DYNC1H1: variants seen among roughly 807,000 people sequenced by gnomAD.
DYNC1H1 encodes the protein dynein cytoplasmic 1 heavy chain 1, also known as cytoplasmic dynein 1 heavy chain 1.
A neutral mutation model predicts 527.1 loss-of-function variants in DYNC1H1; 51 were observed. The observed-to-expected ratio is 0.10, with a 90% CI of 0.08 to 0.12. The LOEUF (loss-of-function observed/expected upper bound fraction) is 0.12, where lower values mean the gene tolerates loss of function less well. Among genes scored for constraint, DYNC1H1 ranks in the 10% least tolerant of loss-of-function variants. DYNC1H1 has a pLI of 1.00. For synonymous variants in DYNC1H1, 2,189 were observed against 2,278.8 expected (o/e 0.96, Z 1.12); for missense variants, 2,771 against 5,971.8 (o/e 0.46, Z 17.66).
chr14:102,020,896 C>T lies in DYNC1H1; in HGVS notation c.8507+840C>T, dbSNP rs1345891820. Among the ~76,000 whole-genome samples, 3 of 152,136 alleles carry T rather than the reference C, an allele frequency of 2.0e-5. No individual in the cohort carries two copies. Among genetic ancestry groups the T allele is most frequent in the East Asian group, 3.8e-4 (2 of 5,198 alleles). ...AATCACTGGGTTTCCAACCCGAGTC[C>T]TTGGCATTCTTGGGCAACACCGGGT... is the stretch of plus-strand genomic sequence containing the variant. On this transcript the variant is annotated intron_variant, in intron 42 of 77. Coordinates refer to ENST00000360184, the MANE Select transcript of DYNC1H1 (RefSeq NM_001376.5). The surrounding 1 kb of genome is among the most constrained non-coding windows in gnomAD (Gnocchi z 4.3).
chr14:102,014,862 C>T (rs985326365), intron 34 of DYNC1H1, among the ~76,000 whole-genome samples: 3 of 152,078 alleles, frequency 2.0e-5, no homozygotes, highest in African/African-American at 7.2e-5. Flanking sequence ...GTAACCCAGG[C>T]TAGAGTGCAG....
chr14:101,994,628 A>G (rs1054303697), intron 12 of DYNC1H1, 45 bp from the exon 13 acceptor site: 3 of 1,610,716 alleles, frequency 1.9e-6, no homozygotes, highest in Non-Finnish European at 2.5e-6. Context: ...GTATTCTACA[A>G]AATGAAAACT....
intron 29 of DYNC1H1, among the ~76,000 whole-genome samples, chr14:102,009,121 C>T (rs537125174): frequency 6.6e-6 from 1 of 152,250 alleles, no homozygotes; most frequent in Admixed American, 6.5e-5. Flanking sequence ...TCGGAGAGGC[C>T]CCAGGGACCA....
At position 102,004,779 on chromosome 14, in the gene DYNC1H1, T is replaced by A. The variant is rs1195286511; in HGVS notation, c.5067T>A (p.Pro1689=). The A allele has an allele frequency of 6.2e-7, 1 of 1,614,222 alleles. No individual in the cohort carries two copies. The highest frequency in any genetic ancestry group is 8.5e-7 in the Non-Finnish European group (1 of 1,180,040). ...REGEEVMFKT[P]VSITEHPKIN... is the part of the protein sequence containing the mutation. The stretch of plus-strand genomic sequence containing the variant: ...TATTTCAGGTTATGTTTAAAACTCC[T>A]GTGTCAATTACTGAACATCCCAAAA... Residue 1689 remains proline (P), a synonymous_variant, in exon 25 of 78, where the codon CCT becomes CCA. Transcript: ENST00000360184.
intron 16 of DYNC1H1, among the ~76,000 whole-genome samples, chr14:101,999,652 G>A (rs560151359): frequency 3.3e-5 from 5 of 152,190 alleles, no homozygotes; most frequent in South Asian, 2.1e-4. Flanking sequence ...GGCAGGCCCC[G>A]GAGGTTTGTC....
intron 13 of DYNC1H1, 39 bp from the exon 14 acceptor site, chr14:101,994,947 A>G (rs1166360245): frequency 1.2e-6 from 2 of 1,613,344 alleles, no homozygotes; most frequent in Middle Eastern, 1.6e-4. Flanking sequence ...CGCCAGCAGG[A>G]AAGAGCTGAT....
At chr14:102,047,775 C>A in intron 72 of DYNC1H1, 42 bp from the exon 73 acceptor site, 1 of 1,610,302 alleles carries the variant, frequency 6.2e-7, no homozygotes, top group Non-Finnish European at 8.5e-7. Flanking sequence ...TCTTGCCCGT[C>A]CCCTCCCTCC....
intron 18 of DYNC1H1, 166 bp from the exon 19 acceptor site, chr14:102,000,788 G>A: frequency 1.5e-6 from 1 of 662,406 alleles, no homozygotes; most frequent in South Asian, 1.6e-5. Context: ...TGGTCAGGCT[G>A]GTCTCGAACT....
chr14:102,019,593 A>G (rs544293519), intron 41 of DYNC1H1, among the ~76,000 whole-genome samples: 91 of 152,360 alleles, frequency 6.0e-4, no homozygotes, highest in African/African-American at 1.9e-3. Context: ...TATTTATCCA[A>G]TTGTTCCAAC....
In DYNC1H1 at chr14:101,984,140, TTG is replaced by T. The variant is rs142762932; in HGVS notation, c.1461+545_1461+546del. On this transcript the variant is annotated intron_variant, in intron 7 of 77. Coordinates refer to ENST00000360184, the MANE Select transcript of DYNC1H1 (RefSeq NM_001376.5). ...ACCCCACCATGCCCAGCTAATTTAT[TTG>T]TGTGTGTGTGTGTTGGCGGGAGGGG... Among the ~76,000 whole-genome samples the T allele has an allele frequency of 5.5e-3, 831 of 151,100 alleles. 17 individuals are homozygous for T. Among genetic ancestry groups the T allele is most frequent in the East Asian group, 0.036 (186 of 5,120 alleles).
Position 102,049,635 on chromosome 14 carries a change from G to C in DYNC1H1, c.13515+53G>C. 6.2e-7 allele frequency: 1 copy of C among 1,613,286 alleles called. No homozygotes were observed. The stretch of plus-strand genomic sequence containing the variant: ...TGGTCAGCAGCTGTCCTGGGCTGGG[G>C]TGGGAGTGGCTCTGGGGAAAAACAC... On this transcript the variant is annotated intron_variant, in intron 75 of 77. Transcript: ENST00000360184. The surrounding 1 kb of genome is among the most constrained non-coding windows in gnomAD (Gnocchi z 5.5).
intron 1 of DYNC1H1, among the ~76,000 whole-genome samples, chr14:101,970,067 C>G (rs2047714146): frequency 6.6e-6 from 1 of 152,200 alleles, no homozygotes; most frequent in South Asian, 2.1e-4. Context: ...AGTACCAAGT[C>G]TTAAGTTCCT....
At chr14:102,043,173 C>T in intron 69 of DYNC1H1, 2 of 308,298 alleles carry the variant, frequency 6.5e-6, no homozygotes, top group South Asian at 5.8e-5. Context: ...ATCCCAGCTA[C>T]TGGGGAGGCT....
chr14:101,968,654 C>T (rs1434584806), intron 1 of DYNC1H1, among the ~76,000 whole-genome samples: 1 of 152,082 alleles, frequency 6.6e-6, no homozygotes, highest in Non-Finnish European at 1.5e-5. Context: ...CCTCAACCTC[C>T]GGTCTCAAGC....
Position 102,001,294 on chromosome 14 carries a change from T to G in DYNC1H1, c.4335T>G (p.Ile1445Met). ...WDVDLQKNEA[I>M]VKDVLLVAQG... ...TTGACTTGCAGAAAAATGAAGCGAT[T>G]GTCAAGGATGTACTGCTTGTGGCAC... Residue 1445 changes from isoleucine (I) to methionine (M), a missense_variant, in exon 20 of 78, where the codon ATT (isoleucine) becomes ATG (methionine). Transcript: ENST00000360184. This position sits in a 1 kb window ranked among gnomAD's most constrained non-coding sequence, Gnocchi z 5.0. 1 of 1,614,222 alleles carries G rather than the reference T, an allele frequency of 6.2e-7. No homozygotes were observed. The highest frequency in any genetic ancestry group is 8.5e-7 in the Non-Finnish European group (1 of 1,180,046).
In DYNC1H1 at chr14:102,044,039, G is replaced by C. The variant is rs370256973; in HGVS notation, c.12678G>C (p.Thr4226=). 1 of 1,613,784 alleles carries C rather than the reference G, an allele frequency of 6.2e-7. No homozygotes were observed. The highest frequency in any genetic ancestry group is 8.5e-7 in the Non-Finnish European group (1 of 1,180,040). ...CGGTGGACACGTGGCTGGATGACAC[G>C]GCCAAGGCAAGTGTGGGCCATGCCA... is the stretch of plus-strand genomic sequence containing the variant. ...CDTVDTWLDD[T]AKGRQNISPD... The change falls in exon 70 of 78, where the codon ACG becomes ACC. Residue 4226 remains threonine, a synonymous_variant. Transcript: ENST00000360184. The surrounding 1 kb of genome is among the most constrained non-coding windows in gnomAD (Gnocchi z 7.1).
chr14:101,983,340 T>C lies in DYNC1H1; in HGVS notation c.1234-42T>C. The stretch of plus-strand genomic sequence containing the variant: ...CAACCTCAAGACATTGAGATGAAAA[T>C]ATGTCTTAATAATAAGCCTCACTTT... On this transcript the variant is annotated intron_variant, in intron 6 of 77. Coordinates refer to ENST00000360184, the MANE Select transcript of DYNC1H1 (RefSeq NM_001376.5). The surrounding 1 kb of genome is among the most constrained non-coding windows in gnomAD (Gnocchi z 5.3). 2 of 1,613,954 alleles carry C rather than the reference T, an allele frequency of 1.2e-6. No individual in the cohort carries two copies. Among genetic ancestry groups the C allele is most frequent in the African/African-American group, 1.3e-5 (1 of 75,050 alleles).
chr14:102,030,055 AGAGT>A (rs2152590317), intron 50 of DYNC1H1, 103 bp from the exon 51 acceptor site: 6 of 1,560,928 alleles, frequency 3.8e-6, no homozygotes, highest in Middle Eastern at 1.7e-4. Flanking sequence ...GGAGGGAGAG[AGAGT>A]GTGTGTGTGT....
chr14:102,016,572 G>A lies in DYNC1H1; in HGVS notation c.7614+83G>A. On this transcript the variant is annotated intron_variant, in intron 37 of 77. Transcript: ENST00000360184. This position sits in a 1 kb window ranked among gnomAD's most constrained non-coding sequence, Gnocchi z 7.3. Reference sequence around the variant, plus strand: ...CTGGAACAAGCTGACCATGGACCTTGGCTTCGTCTTTTCATTTTATTCCAT... The same window carrying A: ...CTGGAACAAGCTGACCATGGACCTTAGCTTCGTCTTTTCATTTTATTCCAT... 1.2e-6 allele frequency: 2 copies of A among 1,611,248 alleles called. No individual in the cohort carries two copies. The highest frequency in any genetic ancestry group is 1.7e-6 in the Non-Finnish European group (2 of 1,178,044).
Sources: gnomAD v4.1 joint callset for allele counts (sites outside exome capture counted in the v4.1 genomes callset) on GRCh38, gnomAD v4.1.1 for gene constraint, Gnocchi (gnomAD v3.1) non-coding constraint, MANE v1.5 for transcripts, NCBI Gene and HGNC (gene_info 2026-07-23, HGNC 2026-07-21) for gene names.